The following PTPRD variants were observed in gnomAD, a reference collection of about 807,000 sequenced individuals.
PTPRD encodes protein tyrosine phosphatase receptor type D, also known as receptor-type tyrosine-protein phosphatase delta.
Under a neutral mutation model 214.5 loss-of-function variants are expected in PTPRD, and 34 were observed. That is an observed-to-expected ratio of 0.16 (90% CI 0.12 to 0.21). The LOEUF is 0.21. Ranked by LOEUF, PTPRD falls within the 10% of genes least tolerant of loss-of-function variation. The probability of loss-of-function intolerance (pLI) is 1.00; values close to 1 mark genes in which losing one functional copy is unlikely to be tolerated. For synonymous variants in PTPRD, 1,128 were observed against 845.7 expected, an observed-to-expected ratio of 1.33 and a Z score of -5.79; for missense variants, 2,545 against 2,398.7, an observed-to-expected ratio of 1.06 and a Z score of -1.27.
At chr9:9,859,202 C>T (rs532676342) in intron 5 of PTPRD, among the ~76,000 whole-genome samples, 1 of 152,300 alleles carries the variant, frequency 6.6e-6, no homozygotes, top group Admixed American at 6.5e-5. Flanking sequence ...TTGTAAGTTT[C>T]CTGATGCTTC....
At chr9:10,265,030 A>C (rs1344476556) in intron 3 of PTPRD, among the ~76,000 whole-genome samples, 1 of 152,098 alleles carries the variant, frequency 6.6e-6, no homozygotes, top group African/African-American at 2.4e-5. Flanking sequence ...CATGACTGTG[A>C]GGCCTTCCCA....
At chr9:10,601,096 G>C (rs760906845) in intron 2 of PTPRD, among the ~76,000 whole-genome samples, 3 of 151,736 alleles carry the variant, frequency 2.0e-5, no homozygotes, top group South Asian at 2.1e-4. Context: ...GTCACACCAA[G>C]ATTTTTTCTT....
rs111305053 is a variant in PTPRD, at chr9:8,462,193, C to T, written c.3715-1622G>A. Among the ~76,000 whole-genome samples the T allele has an allele frequency of 7.7e-3, 1,169 of 152,042 alleles. 17 individuals carry two copies. The highest frequency in any genetic ancestry group is 0.026 in the African/African-American group (1,093 of 41,490). Reference sequence around the variant, plus strand: ...TTCCCAGATCCTTCTTCCCTTCCTCCTCACTTCCCAAATTCTCTCATCCTC... The same window carrying T: ...TTCCCAGATCCTTCTTCCCTTCCTCTTCACTTCCCAAATTCTCTCATCCTC... On this transcript the variant is annotated intron_variant, in intron 32 of 45. Transcript: ENST00000381196.
chr9:8,893,078 A>G (rs2098555623), intron 11 of PTPRD, among the ~76,000 whole-genome samples: 1 of 152,202 alleles, frequency 6.6e-6, no homozygotes, highest in Non-Finnish European at 1.5e-5. Context: ...AGAGATGAAC[A>G]GTTTAGACAT....
At chr9:8,981,212 G>C (rs954020544) in intron 11 of PTPRD, among the ~76,000 whole-genome samples, 2 of 151,624 alleles carry the variant, frequency 1.3e-5, no homozygotes, top group Middle Eastern at 3.2e-3. Context: ...ACCTAATAAA[G>C]AGCTCAGCAT....
chr9:8,367,846 T>C (rs2080354704), intron 39 of PTPRD, among the ~76,000 whole-genome samples: 1 of 152,166 alleles, frequency 6.6e-6, no homozygotes, highest in African/African-American at 2.4e-5. Flanking sequence ...AACAGGCTAA[T>C]GAATCACTTT....
At chr9:10,106,809 T>C (rs900049244) in intron 3 of PTPRD, among the ~76,000 whole-genome samples, 14 of 151,980 alleles carry the variant, frequency 9.2e-5, no homozygotes, top group African/African-American at 3.1e-4. Context: ...TAAGGTCAGC[T>C]TAAATATGTA....
rs866776752 is a variant in PTPRD, at chr9:9,936,168, G to T, written c.-368+2339C>A. The stretch of plus-strand genomic sequence containing the variant: ...ATTACCATTCAGGACATAGGCATGG[G>T]CAAGGACTTCATGTCTAAAACACCA... On this transcript the variant is annotated intron_variant, in intron 5 of 45. Coordinates refer to ENST00000381196, the MANE Select transcript of PTPRD (RefSeq NM_002839.4). Among the ~76,000 whole-genome samples, 271 of 148,322 alleles carry T rather than the reference G, an allele frequency of 1.8e-3. 4 individuals are homozygous for T. Among genetic ancestry groups the T allele is most frequent in the African/African-American group, 6.8e-3 (263 of 38,448 alleles).
At chr9:9,144,607 G>T (rs1302646095) in intron 10 of PTPRD, among the ~76,000 whole-genome samples, 2 of 152,032 alleles carry the variant, frequency 1.3e-5, no homozygotes, top group Non-Finnish European at 2.9e-5. Flanking sequence ...GAAAAAATTA[G>T]CTGGGTGTGG....
At chr9:8,913,453 T>A (rs1352394115) in intron 11 of PTPRD, among the ~76,000 whole-genome samples, 2 of 152,086 alleles carry the variant, frequency 1.3e-5, no homozygotes, top group East Asian at 1.9e-4. Context: ...TTTGTTTATA[T>A]CAAGCCTCAA....
intron 12 of PTPRD, among the ~76,000 whole-genome samples, chr9:8,703,397 C>A (rs996079608): frequency 6.6e-6 from 1 of 152,182 alleles, no homozygotes. Context: ...AATTATTCCT[C>A]TTTACCCTTT....
At chr9:8,724,439 A>G (rs979264880) in intron 12 of PTPRD, among the ~76,000 whole-genome samples, 2 of 152,154 alleles carry the variant, frequency 1.3e-5, no homozygotes, top group Non-Finnish European at 2.9e-5. Context: ...GTAACTTCCA[A>G]CTAGCCTCTT....
intron 11 of PTPRD, among the ~76,000 whole-genome samples, chr9:8,759,073 C>T (rs1158439158): frequency 6.6e-6 from 1 of 151,716 alleles, no homozygotes; most frequent in African/African-American, 2.4e-5. Flanking sequence ...CTCTGTCACC[C>T]AGGCTGGAGT....
intron 3 of PTPRD, among the ~76,000 whole-genome samples, chr9:10,095,529 C>G (rs767397713): frequency 5.3e-5 from 8 of 151,552 alleles, no homozygotes; most frequent in African/African-American, 1.2e-4. Context: ...CATTTCAATA[C>G]AGAAGACTAG....
intron 11 of PTPRD, among the ~76,000 whole-genome samples, chr9:8,835,854 TACTC>T (rs1294648211): frequency 6.6e-6 from 1 of 152,188 alleles, no homozygotes; most frequent in East Asian, 1.9e-4. Flanking sequence ...TTCTTCATAA[TACTC>T]ACCATTATGG....
At chr9:8,565,206 G>A (rs2088475390) in intron 14 of PTPRD, among the ~76,000 whole-genome samples, 1 of 152,118 alleles carries the variant, frequency 6.6e-6, no homozygotes. Context: ...GTGTGGAAAG[G>A]GGTGGGCTGG....
At chr9:8,325,641 G>C (rs994036698) in intron 44 of PTPRD, among the ~76,000 whole-genome samples, 3 of 151,280 alleles carry the variant, frequency 2.0e-5, no homozygotes, top group Admixed American at 1.3e-4. Flanking sequence ...GTAGCTTGAT[G>C]GGGATGGCAT....
At chr9:8,654,916 TAG>T (rs907388937) in intron 12 of PTPRD, among the ~76,000 whole-genome samples, 8 of 152,286 alleles carry the variant, frequency 5.3e-5, no homozygotes, top group African/African-American at 1.9e-4. Context: ...TTTTTTCTGT[TAG>T]ACTTTCCCTG....
intron 3 of PTPRD, among the ~76,000 whole-genome samples, chr9:10,179,232 A>G (rs1343812300): frequency 6.6e-6 from 1 of 151,400 alleles, no homozygotes; most frequent in Non-Finnish European, 1.5e-5. Context: ...TTGAGCCAGG[A>G]ATGCTTTTTT....
Sources: allele counts gnomAD v4.1 joint callset (sites outside exome capture counted in the v4.1 genomes callset), GRCh38; gene constraint gnomAD v4.1.1; transcripts MANE v1.5; gene names NCBI Gene and HGNC (gene_info 2026-07-23, HGNC 2026-07-21).